Variants in PDE9A observed in about 807,000 individuals in gnomAD.
PDE9A encodes phosphodiesterase 9A.
In PDE9A, 60 loss-of-function variants were observed where a neutral mutation model predicts 87.4. The ratio of observed to expected loss-of-function variants is 0.69; its 90% CI spans 0.56 to 0.85. The LOEUF (loss-of-function observed/expected upper bound fraction) is 0.85, where lower values mean the gene tolerates loss of function less well. Among genes scored for constraint, PDE9A ranks in the 40% least tolerant of loss-of-function variants. PDE9A has a pLI of 0.00. For missense variants in PDE9A, 665 were observed against 779.0 expected (o/e 0.85, Z 1.74); for synonymous variants, 272 against 279.4 (o/e 0.97, Z 0.27).
At chr21:42,755,519 C>T (rs547697027) in intron 10 of PDE9A, among the ~76,000 whole-genome samples, 107 of 152,332 alleles carry the variant, frequency 7.0e-4, no homozygotes, top group Middle Eastern at 3.4e-3. Flanking sequence ...AGTGCAGGAC[C>T]GGGGCGCAGA....
intron 1 of PDE9A, among the ~76,000 whole-genome samples, chr21:42,681,010 T>C (rs2059139056): frequency 6.6e-6 from 1 of 152,234 alleles, no homozygotes; most frequent in Non-Finnish European, 1.5e-5. Context: ...TTGCAACCAG[T>C]GGGGACGTTG....
Position 42,772,324 on chromosome 21 carries a change from A to G in PDE9A, c.1687-115A>G, listed in dbSNP as rs1001254986. On this transcript the variant is annotated intron_variant, in intron 18 of 19. Transcript: ENST00000291539. ...GTGCTTGGGCTCAGAGGGGCTGGGG[A>G]CCACAGGCTTTCACGTTGCAGCACC... The G allele has an allele frequency of 1.6e-4, 108 of 673,246 alleles. No homozygotes were observed. In the Middle Eastern group the frequency reaches 2.0e-3, roughly 13 times the overall value. 41.7% of individuals were successfully genotyped at this position (673,246 alleles called of 1,614,324 possible). A position where few individuals can be genotyped will look rare whatever the true frequency, so the allele number is the denominator to read the frequency against.
intron 4 of PDE9A, among the ~76,000 whole-genome samples, chr21:42,726,615 TATATA>T (rs1301406932): frequency 8.1e-4 from 35 of 43,128 alleles, no homozygotes; most frequent in African/African-American, 1.6e-3. Flanking sequence ...TATATATATA[TATATA>T]TATATTTTTT....
At chr21:42,761,094 G>A (rs374604808) in intron 13 of PDE9A, among the ~76,000 whole-genome samples, 187 bp downstream of exon 13, 12 of 151,506 alleles carry the variant, frequency 7.9e-5, no homozygotes, top group South Asian at 4.2e-4. Flanking sequence ...GGGTCTCCCC[G>A]GAGTAGGAAC....
chr21:42,740,750 A>AG (rs1555934632), intron 7 of PDE9A, among the ~76,000 whole-genome samples: 19 of 123,534 alleles, frequency 1.5e-4, no homozygotes, highest in African/African-American at 5.1e-4. Context: ...ATAGATAGAT[A>AG]AACAGGATAG....
intron 2 of PDE9A, 92 bp downstream of exon 2, chr21:42,686,354 G>A: frequency 3.1e-6 from 3 of 982,488 alleles, no homozygotes; most frequent in Non-Finnish European, 4.9e-6. Flanking sequence ...GGCGCTGAAG[G>A]GCCCGAGGCA....
chr21:42,702,204 G>A lies in PDE9A; in HGVS notation c.262+3193G>A, dbSNP rs972995492. Among the ~76,000 whole-genome samples the A allele has an allele frequency of 3.3e-5, 5 of 149,620 alleles. No individual in the cohort carries two copies. Among genetic ancestry groups the A allele is most frequent in the Non-Finnish European group, 7.4e-5 (5 of 67,116 alleles). The stretch of plus-strand genomic sequence containing the variant: ...TATTTTTCTTAGACTTTTCCGTGAC[G>A]TCTTCCATTGCACTGGTCTTCCCTC... On this transcript the variant is annotated intron_variant, in intron 4 of 19. Coordinates refer to ENST00000291539, the MANE Select transcript of PDE9A (RefSeq NM_002606.3). This position sits in a 1 kb window ranked among gnomAD's most constrained non-coding sequence, Gnocchi z 4.9.
chr21:42,716,519 T>C (rs2049931627), intron 4 of PDE9A, among the ~76,000 whole-genome samples: 1 of 151,698 alleles, frequency 6.6e-6, no homozygotes, highest in Non-Finnish European at 1.5e-5. Flanking sequence ...CTGCTTGCCA[T>C]CTGCATGTCT....
rs1487548534 is a variant in PDE9A, at chr21:42,705,179, C to T, written c.262+6168C>T. ...ATCTTCTGTAGAAAAATGCTCTCTT[C>T]GCCTGATCATGGGAGGGAATCAAAT... On this transcript the variant is annotated intron_variant, in intron 4 of 19. Coordinates refer to ENST00000291539, the MANE Select transcript of PDE9A (RefSeq NM_002606.3). The surrounding 1 kb of genome is among the most constrained non-coding windows in gnomAD (Gnocchi z 4.3). Among the ~76,000 whole-genome samples, 1 of 152,180 alleles carries T rather than the reference C, an allele frequency of 6.6e-6. No individual in the cohort carries two copies. The highest frequency in any genetic ancestry group is 6.5e-5 in the Admixed American group (1 of 15,282).
intron 3 of PDE9A, among the ~76,000 whole-genome samples, chr21:42,698,171 C>A (rs2146312128): frequency 6.6e-6 from 1 of 152,296 alleles, no homozygotes; most frequent in East Asian, 1.9e-4. Flanking sequence ...CACTGCTTTC[C>A]CCAAGATGTG....
intron 17 of PDE9A, among the ~76,000 whole-genome samples, 157 bp from the exon 18 acceptor site, chr21:42,770,546 C>T (rs1016398913): frequency 6.6e-6 from 1 of 152,144 alleles, no homozygotes; most frequent in South Asian, 2.1e-4. Flanking sequence ...GAGACAGAGC[C>T]GCAGTGGGTG....
At chr21:42,697,571 C>A in intron 3 of PDE9A, 1 of 898,692 alleles carries the variant, frequency 1.1e-6, no homozygotes, top group Non-Finnish European at 1.9e-6. Context: ...ACTTAAACAG[C>A]TAGACATTGA....
Position 42,708,469 on chromosome 21 carries a change from A to T in PDE9A, c.262+9458A>T, listed in dbSNP as rs538598374. 9.2e-5 allele frequency among the ~76,000 whole-genome samples: 14 copies of T among 152,306 alleles called. 1 individual carries two copies. Among genetic ancestry groups the T allele is most frequent in the Admixed American group, 9.2e-4 (14 of 15,294 alleles). ...CTAGGCATTTGTGAGAACCAGGCCA[A>T]CCCATACCCACCCACTGCTGTGTCC... On this transcript the variant is annotated intron_variant, in intron 4 of 19. Coordinates refer to ENST00000291539, the MANE Select transcript of PDE9A (RefSeq NM_002606.3).
At chr21:42,758,525 C>A (rs1204022418) in intron 10 of PDE9A, 1 of 153,010 alleles carries the variant, frequency 6.5e-6, no homozygotes, top group Admixed American at 6.5e-5. Flanking sequence ...AAGGAAAGGG[C>A]CTTTCTCTCT....
chr21:42,671,595 G>A lies in PDE9A; in HGVS notation c.70-14597G>A, dbSNP rs192453128. On this transcript the variant is annotated intron_variant, in intron 1 of 19. Transcript: ENST00000291539. ...TGTATATATATAATTTGTAACTAGA[G>A]GTAAATTGCAGATGAATTGCAGATG... 7.2e-5 allele frequency among the ~76,000 whole-genome samples: 11 copies of A among 152,276 alleles called. No individual in the cohort carries two copies. In the East Asian group the frequency reaches 1.9e-3, roughly 27 times the overall value.
At chr21:42,758,031 T>C (rs1233738680) in intron 10 of PDE9A, 1 of 152,346 alleles carries the variant, frequency 6.6e-6, no homozygotes, top group Non-Finnish European at 1.5e-5. Flanking sequence ...GATGGCCCAG[T>C]GCCCTGTACA....
intron 8 of PDE9A, among the ~76,000 whole-genome samples, chr21:42,749,661 T>C (rs1271225389): frequency 6.6e-6 from 1 of 152,158 alleles, no homozygotes; most frequent in African/African-American, 2.4e-5. Flanking sequence ...ACAGGGAAAG[T>C]TGGAAACATT....
rs568115820 is a variant in PDE9A at position 42,683,848 on chromosome 21, T to C, written c.70-2344T>C. ...CTCCAAGATCATCCCCCGTGCACTC[T>C]GAGGGGCTGGGACAGGATGTGGTGC... is the stretch of plus-strand genomic sequence containing the variant. On this transcript the variant is annotated intron_variant, in intron 1 of 19. Transcript: ENST00000291539. Among the ~76,000 whole-genome samples the C allele has an allele frequency of 9.8e-4, 150 of 152,312 alleles. 1 individual carries two copies. The highest frequency in any genetic ancestry group is 1.6e-3 in the Non-Finnish European group (108 of 68,020).
At chr21:42,699,222 T>G (rs754438990) in intron 4 of PDE9A, among the ~76,000 whole-genome samples, 49 of 152,268 alleles carry the variant, frequency 3.2e-4, no homozygotes, top group Non-Finnish European at 5.3e-4. Context: ...CTTGTACTAC[T>G]GTAAGGGCTC....
Sources: gnomAD v4.1 joint callset for allele counts (sites outside exome capture counted in the v4.1 genomes callset) on GRCh38, gnomAD v4.1.1 for gene constraint, Gnocchi (gnomAD v3.1) non-coding constraint, MANE v1.5 for transcripts, NCBI Gene and HGNC (gene_info 2026-07-23, HGNC 2026-07-21) for gene names.